CALD1: variants seen among roughly 807,000 people sequenced by gnomAD.
CALD1 encodes caldesmon 1, also known as caldesmon.
In CALD1, 33 loss-of-function variants were observed where a neutral mutation model predicts 99.9. The ratio of observed to expected loss-of-function variants is 0.33; its 90% confidence interval spans 0.25 to 0.44. CALD1 has a LOEUF of 0.44. CALD1 is among the 20% of genes least tolerant of loss of function. CALD1 has a pLI of 1.00. For synonymous variants in CALD1, 310 were observed against 325.0 expected (o/e 0.95, Z 0.50); for missense variants, 861 against 962.1 (o/e 0.89, Z 1.39).
Position 134,749,410 on chromosome 7 carries a change from A to G in CALD1, c.-130+5047A>G, listed in dbSNP as rs575303004. ...CGAGGTGGGCGGATCACTTGAGGTC[A>G]GGAGTTCAAGACCAGCCTGGCCAAC... On this transcript the variant is annotated intron_variant, in intron 1 of 13. Coordinates refer to the CALD1 transcript ENST00000417172. Among the ~76,000 whole-genome samples the G allele has an allele frequency of 2.6e-4, 39 of 152,324 alleles. 1 individual carries two copies. The South Asian group carries it at 8.1e-3, about 32-fold the overall frequency.
intron 3 of CALD1, 152 bp downstream of exon 3, chr7:134,867,956 C>T (rs1563055376): frequency 4.7e-6 from 2 of 428,584 alleles, no homozygotes; most frequent in Non-Finnish European, 8.6e-6. Context: ...TGCTAAGACT[C>T]TAAATTAAGC....
At chr7:134,778,688 G>A (rs1266848210), upstream of CALD1, among the ~76,000 whole-genome samples, 1 of 152,110 alleles carries the variant, frequency 6.6e-6, no homozygotes, top group Non-Finnish European at 1.5e-5. Flanking sequence ...AGAGTTGGTC[G>A]GAGCACTTTC....
chr7:134,782,495 C>T (rs923745885), intron 1 of CALD1, among the ~76,000 whole-genome samples: 36 of 152,184 alleles, frequency 2.4e-4, no homozygotes, highest in Non-Finnish European at 5.9e-5. Context: ...TAAAGAGAAA[C>T]TTTTGGCACA....
chr7:134,933,111 T>C lies in CALD1; in HGVS notation c.342T>C (p.Ala114=), dbSNP rs2132963214. ...EERRQKRLQE[A]LERQKEFDPT... is the part of the protein sequence containing the mutation. The stretch of plus-strand genomic sequence containing the variant: ...GACGCCAAAAACGCCTTCAGGAGGC[T>C]CTGGAGCGGCAGAAGGAGTTCGACC... Residue 114 remains alanine, a synonymous_variant, in exon 5 of 15, where the codon GCT becomes GCC. Transcript: ENST00000361675. 6.2e-7 allele frequency: 1 copy of C among 1,613,834 alleles called. No individual in the cohort carries two copies.
At chr7:134,827,156 T>C (rs987269332) in intron 1 of CALD1, among the ~76,000 whole-genome samples, 8 of 152,228 alleles carry the variant, frequency 5.3e-5, no homozygotes, top group Non-Finnish European at 1.0e-4. Flanking sequence ...ACAATAGTTA[T>C]CTACCCTGGG....
At chr7:134,715,851 T>C in the CALD1 span, among the ~76,000 whole-genome samples, 11 of 152,332 alleles carry the variant, frequency 7.2e-5, no homozygotes, top group East Asian at 1.4e-3. Flanking sequence ...TTATTTGTCA[T>C]TGGGATTCAC....
At chr7:134,845,787 G>A (rs1025230879) in intron 2 of CALD1, among the ~76,000 whole-genome samples, 7 of 152,174 alleles carry the variant, frequency 4.6e-5, no homozygotes, top group African/African-American at 1.7e-4. Context: ...AATTGTGTAT[G>A]GAAATTTTTC....
At position 134,947,554 on chromosome 7, in the gene CALD1, G is replaced by A. The variant is rs762582417; in HGVS notation, c.1579G>A (p.Ala527Thr). ...CGTGGACACCAAGGAGGCTGAGGGC[G>A]CCCCCCAGGTGGAAGCCGGCAAAAG... ...ASVDTKEAEGAPQVEAGKRLE... is the reference protein window; with the variant it reads ...ASVDTKEAEGTPQVEAGKRLE... The change falls in exon 8 of 15, where the codon GCC becomes ACC. Residue 527 changes from alanine (A) to threonine (T), a missense_variant. Ala to Thr is a moderately conservative substitution (Grantham distance 58, BLOSUM62 0). This residue lies in a region of CALD1 where 293 missense variants were observed against 262.7 expected (regional missense o/e 1.12). Coordinates refer to ENST00000361675, the MANE Select transcript of CALD1 (RefSeq NM_033138.4). 10 of 1,563,340 alleles carry A rather than the reference G, an allele frequency of 6.4e-6. No homozygotes were observed. The highest frequency in any genetic ancestry group is 4.8e-5 in the East Asian group (2 of 41,714).
intron 1 of CALD1, among the ~76,000 whole-genome samples, chr7:134,761,732 T>C (rs982755377): frequency 5.9e-5 from 9 of 152,230 alleles, no homozygotes; most frequent in African/African-American, 2.2e-4. Context: ...TCTTTGCTTC[T>C]TGTAAGTGAA....
the CALD1 span, among the ~76,000 whole-genome samples, chr7:134,737,830 A>G: frequency 6.6e-6 from 1 of 152,344 alleles, no homozygotes; most frequent in African/African-American, 2.4e-5. Flanking sequence ...TGCTTCTGCC[A>G]GCCATTCCAA....
rs1329246956 is a variant in CALD1 at position 134,970,319 on chromosome 7, T to A, written c.*1974T>A. 1 of 152,268 alleles carries A rather than the reference T, an allele frequency of 6.6e-6. No individual in the cohort carries two copies. Among genetic ancestry groups the A allele is most frequent in the Non-Finnish European group, 1.5e-5 (1 of 68,040 alleles). The allele number at this position is 152,268 out of a possible 1,614,324, so 9.4% of individuals were successfully genotyped here. ...AGAGCTCCTCCTGATCACTATTACATATTTTTCTAGAAAATCTAAAGTTCA... is the reference window on the plus strand; with the variant it reads ...AGAGCTCCTCCTGATCACTATTACAAATTTTTCTAGAAAATCTAAAGTTCA... On this transcript the variant is annotated 3_prime_UTR_variant, in exon 15 of 15. Coordinates refer to ENST00000361675, the MANE Select transcript of CALD1 (RefSeq NM_033138.4).
At chr7:134,782,694 C>T (rs1026787275) in intron 1 of CALD1, among the ~76,000 whole-genome samples, 3 of 152,206 alleles carry the variant, frequency 2.0e-5, no homozygotes, top group African/African-American at 7.2e-5. Context: ...GCTGTTTGCT[C>T]CCTCTTCCCT....
Position 134,779,672 on chromosome 7 carries a change from C to T in CALD1, c.-207C>T, listed in dbSNP as rs1797027003. 2.5e-6 allele frequency: 1 copy of T among 398,702 alleles called. No individual in the cohort carries two copies. Among genetic ancestry groups the T allele is most frequent in the Non-Finnish European group, 4.4e-6 (1 of 226,262 alleles). 24.7% of individuals were successfully genotyped at this position (398,702 alleles called of 1,614,324 possible). On this transcript the variant is annotated 5_prime_UTR_variant, in exon 1 of 15. Coordinates refer to ENST00000361675, the MANE Select transcript of CALD1 (RefSeq NM_033138.4). ...CTGCCTGCCTGCCCGCCTGCTTGCT[C>T]TCTGGCTGTGCTCCTGCTTAAAGAA...
chr7:134,941,024 A>T (rs909961711), intron 6 of CALD1, 68 bp from the exon 7 acceptor site: 33 of 1,390,850 alleles, frequency 2.4e-5, no homozygotes, highest in Admixed American at 7.7e-5. Flanking sequence ...GTCTTACTTG[A>T]TGATACCAAC....
At chr7:134,901,233 A>C (rs1314323498) in intron 3 of CALD1, among the ~76,000 whole-genome samples, 1 of 151,768 alleles carries the variant, frequency 6.6e-6, no homozygotes, top group East Asian at 1.9e-4. Flanking sequence ...AGGAGAGCAT[A>C]AATTAAGACT....
intron 2 of CALD1, among the ~76,000 whole-genome samples, chr7:134,850,494 A>G (rs113555532): frequency 2.6e-5 from 4 of 152,216 alleles, no homozygotes; most frequent in African/African-American, 9.6e-5. Context: ...AATGGAAATA[A>G]TAAGGATTGT....
intron 2 of CALD1, among the ~76,000 whole-genome samples, chr7:134,865,333 C>T (rs938308396): frequency 3.3e-5 from 5 of 152,182 alleles, no homozygotes; most frequent in South Asian, 2.1e-4. Context: ...TAAACACATA[C>T]AGCTTCTCTC....
chr7:134,856,047 C>T (rs1367961480), intron 2 of CALD1, among the ~76,000 whole-genome samples: 2 of 152,210 alleles, frequency 1.3e-5, no homozygotes, highest in Admixed American at 1.3e-4. Flanking sequence ...GTGTGAGGAA[C>T]TCTAACATCA....
chr7:134,844,916 T>C (rs13234933), intron 2 of CALD1, among the ~76,000 whole-genome samples: 3,564 of 152,258 alleles, frequency 0.023, 63 homozygotes, highest in Non-Finnish European at 0.038. Flanking sequence ...ACTTAATCAC[T>C]CTTTGAAGAA....
Sources: allele counts gnomAD v4.1 joint callset (sites outside exome capture counted in the v4.1 genomes callset), GRCh38; gene constraint gnomAD v4.1.1; regional missense constraint gnomAD v4.1.1; transcripts MANE v1.5; gene names NCBI Gene and HGNC (gene_info 2026-07-23, HGNC 2026-07-21).